Variants in PKP2 observed in about 807,000 individuals in gnomAD.
The protein encoded by PKP2 is plakophilin-2.
A neutral mutation model predicts 83.4 loss-of-function variants in PKP2; 73 were observed. That is an observed-to-expected ratio of 0.88 (90% CI 0.72 to 1.06). The LOEUF (loss-of-function observed/expected upper bound fraction) is 1.06, where lower values mean the gene tolerates loss of function less well. PKP2 is among the 50% of genes least tolerant of loss of function. PKP2 has a pLI of 0.00. For synonymous variants in PKP2, 409 were observed against 430.4 expected (o/e 0.95, Z 0.62); for missense variants, 966 against 1,065.4 (o/e 0.91, Z 1.30).
intron 4 of PKP2, among the ~76,000 whole-genome samples, chr12:32,867,193 T>A (rs1308088678): frequency 6.6e-6 from 1 of 152,144 alleles, no homozygotes; most frequent in Non-Finnish European, 1.5e-5. Flanking sequence ...CTGGGCATGG[T>A]TGTGTGCGCC....
chr12:32,814,742 G>A (rs894481884), intron 9 of PKP2, among the ~76,000 whole-genome samples: 3 of 152,072 alleles, frequency 2.0e-5, no homozygotes, highest in African/African-American at 4.8e-5. Context: ...TGGCCAACAT[G>A]GTGAAACCCC....
rs7956824 is a variant in PKP2, at chr12:32,792,561, C to T, written c.2446-69G>A. On this transcript the variant is annotated intron_variant, in intron 12 of 12. Coordinates refer to ENST00000340811, the MANE Select transcript of PKP2 (RefSeq NM_001005242.3). Reference sequence around the variant, plus strand: ...CACACAAGAAAATGCAGTTTTTTAGCGATTTCTTCCCAGGGTCAAGTCAAG... The same window carrying T: ...CACACAAGAAAATGCAGTTTTTTAGTGATTTCTTCCCAGGGTCAAGTCAAG... 970,950 of 1,547,588 alleles carry T rather than the reference C, an allele frequency of 0.63. 315,217 individuals are homozygous for T. The highest frequency in any genetic ancestry group is 0.67 in the Non-Finnish European group (754,429 of 1,119,636).
intron 5 of PKP2, among the ~76,000 whole-genome samples, chr12:32,845,516 T>C (rs910796937): frequency 2.6e-5 from 4 of 152,114 alleles, no homozygotes; most frequent in East Asian, 3.9e-4. Context: ...CATGCCACTG[T>C]ACTCCAGCCT....
Position 32,821,349 on chromosome 12 carries a change from T to TA in PKP2, c.2013+6dup, listed in dbSNP as rs1447464531. On this transcript the variant is annotated splice_region_variant and intron_variant, in intron 9 of 12. Coordinates refer to ENST00000340811, the MANE Select transcript of PKP2 (RefSeq NM_001005242.3). ...TTAAAAAGTAGGAAATCAGGCCCAA[T>TA]ACTCACTGGTCCACTTCCGGCCGTG... 1 of 1,612,972 alleles carries TA rather than the reference T, an allele frequency of 6.2e-7. No individual in the cohort carries two copies. The highest frequency in any genetic ancestry group is 1.1e-5 in the South Asian group (1 of 91,050).
chr12:32,863,834 T>C (rs962910607), intron 4 of PKP2, among the ~76,000 whole-genome samples: 2 of 152,192 alleles, frequency 1.3e-5, no homozygotes, highest in Non-Finnish European at 2.9e-5. Context: ...ATGAGACTAG[T>C]ATTACCCACA....
At chr12:32,878,573 G>T (rs768791026) in intron 2 of PKP2, 30 bp from the exon 3 acceptor site, 2 of 1,559,412 alleles carry the variant, frequency 1.3e-6, no homozygotes, top group South Asian at 1.2e-5. Flanking sequence ...AGTTTAAAGG[G>T]GGCATAAATC....
At chr12:32,889,265 C>A (rs1957057651) in intron 1 of PKP2, among the ~76,000 whole-genome samples, 1 of 152,100 alleles carries the variant, frequency 6.6e-6, no homozygotes, top group African/African-American at 2.4e-5. Flanking sequence ...AAGTTGCAGG[C>A]ATTAGATCAC....
rs780847754 is a variant in PKP2, at chr12:32,796,314, A to AAAAAC, written c.2168-21_2168-17dup. 6.3e-7 allele frequency: 1 copy of AAAAAC among 1,593,100 alleles called. No individual in the cohort carries two copies. Among genetic ancestry groups the AAAAAC allele is most frequent in the Admixed American group, 1.7e-5 (1 of 59,614 alleles). On this transcript the variant is annotated splice_polypyrimidine_tract_variant and intron_variant, in intron 10 of 12. Coordinates refer to ENST00000340811, the MANE Select transcript of PKP2 (RefSeq NM_001005242.3). The stretch of plus-strand genomic sequence containing the variant: ...GTTTCTTTGGCTACAAAATGAAAAA[A>AAAAAC]AAAACAAAACACTTGATTAAAAAGA...
intron 11 of PKP2, chr12:32,792,949 TAATA>T (rs772000953): frequency 4.9e-4 from 274 of 558,496 alleles, no homozygotes; most frequent in Non-Finnish European, 8.0e-4. Flanking sequence ...AGCACAGTGC[TAATA>T]AATAAATAGT....
In PKP2 at chr12:32,821,411, T is replaced by C. The variant is rs778600610; in HGVS notation, c.1958A>G (p.Tyr653Cys). The stretch of plus-strand genomic sequence containing the variant: ...AGCTCCTAAGGATGCTTCTTGTGTG[T>C]AGTTGCGGACACTTTTGGCGATCAA... ...LSLIAKSVRN[Y>C]TQEASLGALQ... is the part of the protein sequence containing the mutation. The change falls in exon 9 of 13, where the codon TAC becomes TGC. Residue 653 changes from tyrosine (Y) to cysteine (C), a missense_variant. Transcript: ENST00000340811. 1.9e-6 allele frequency: 3 copies of C among 1,614,014 alleles called. No individual in the cohort carries two copies. Among genetic ancestry groups the C allele is most frequent in the Non-Finnish European group, 2.5e-6 (3 of 1,180,012 alleles).
chr12:32,811,670 C>G (rs1956278543), intron 9 of PKP2, among the ~76,000 whole-genome samples: 1 of 152,202 alleles, frequency 6.6e-6, no homozygotes, highest in Admixed American at 6.5e-5. Context: ...TCATGTTTGG[C>G]TTTATGCAGT....
intron 6 of PKP2, among the ~76,000 whole-genome samples, chr12:32,831,930 G>A (rs1004088524): frequency 3.3e-5 from 5 of 152,146 alleles, no homozygotes; most frequent in Non-Finnish European, 7.4e-5. Flanking sequence ...AGCCATATTT[G>A]TTTTGATTTT....
chr12:32,797,083 A>G (rs1409793845), intron 10 of PKP2, among the ~76,000 whole-genome samples: 2 of 152,164 alleles, frequency 1.3e-5, no homozygotes, highest in Admixed American at 1.3e-4. Flanking sequence ...AGCATGTATA[A>G]TAAAAAGAAA....
intron 1 of PKP2, among the ~76,000 whole-genome samples, chr12:32,888,293 C>T (rs1264889878): frequency 6.6e-6 from 1 of 152,160 alleles, no homozygotes; most frequent in African/African-American, 2.4e-5. Context: ...TTATAACTTC[C>T]ATGGCAAATA....
At chr12:32,810,119 TAAGCCCATC>T (rs971492131) in intron 9 of PKP2, among the ~76,000 whole-genome samples, 19 of 152,224 alleles carry the variant, frequency 1.2e-4, no homozygotes, top group South Asian at 2.1e-4. Context: ...AGTTCTTCAA[TAAGCCCATC>T]ACACAATTTT....
intron 10 of PKP2, among the ~76,000 whole-genome samples, chr12:32,796,869 A>G (rs1043271149): frequency 1.3e-5 from 2 of 152,218 alleles, no homozygotes; most frequent in African/African-American, 4.8e-5. Flanking sequence ...AAACATTTTC[A>G]TCTTCTTCAA....
intron 4 of PKP2, among the ~76,000 whole-genome samples, chr12:32,861,759 T>C (rs1350464589): frequency 6.6e-6 from 1 of 152,060 alleles, no homozygotes; most frequent in Non-Finnish European, 1.5e-5. Flanking sequence ...TCAACACCAG[T>C]AAGAAAGAGA....
intron 1 of PKP2, among the ~76,000 whole-genome samples, chr12:32,895,194 T>TCTCAA (rs1957111677): frequency 1.3e-5 from 2 of 151,228 alleles, no homozygotes; most frequent in East Asian, 3.9e-4. Flanking sequence ...TTTAAATACA[T>TCTCAA]ATATATATAT....
chr12:32,819,110 T>C (rs552017146), intron 9 of PKP2, among the ~76,000 whole-genome samples: 7 of 151,926 alleles, frequency 4.6e-5, no homozygotes, highest in African/African-American at 1.7e-4. Context: ...AAACCTCATC[T>C]CTACTAAAAA....
Sources: allele counts gnomAD v4.1 joint callset (sites outside exome capture counted in the v4.1 genomes callset), GRCh38; gene constraint gnomAD v4.1.1; transcripts MANE v1.5; gene names NCBI Gene and HGNC (gene_info 2026-07-23, HGNC 2026-07-21).